Variants in PRKG1 observed in about 807,000 individuals in gnomAD.
PRKG1 encodes the protein cGMP-dependent protein kinase 1.
In PRKG1, 35 loss-of-function variants were observed where a neutral mutation model predicts 88.1. That is an observed-to-expected ratio of 0.40 (90% CI 0.30 to 0.53). The LOEUF (loss-of-function observed/expected upper bound fraction) is 0.53. Ranked by LOEUF, PRKG1 falls within the 20% of genes least tolerant of loss-of-function variation. The pLI is 0.59. For synonymous variants in PRKG1, 303 were observed against 292.5 expected (o/e 1.04, Z -0.37); for missense variants, 540 against 839.8 (o/e 0.64, Z 4.41).
At chr10:51,294,523 T>G (rs868519325) in intron 2 of PRKG1, among the ~76,000 whole-genome samples, 6 of 152,290 alleles carry the variant, frequency 3.9e-5, no homozygotes, top group African/African-American at 1.2e-4. Flanking sequence ...CAGTTGATGG[T>G]AATGGGTGGA....
intron 3 of PRKG1, among the ~76,000 whole-genome samples, chr10:51,721,515 G>A (rs547392902): frequency 3.3e-5 from 5 of 152,184 alleles, no homozygotes; most frequent in Admixed American, 6.5e-5. Flanking sequence ...AGAAAAGTGC[G>A]GTGGAAATCC....
intron 5 of PRKG1, among the ~76,000 whole-genome samples, chr10:51,992,901 G>A (rs11000402): frequency 0.19 from 29,643 of 152,066 alleles, 3,771 homozygotes; most frequent in Non-Finnish European, 0.28. Flanking sequence ...TGATCTGTTA[G>A]TTTTACATTG....
chr10:51,164,771 C>T (rs7906100), intron 2 of PRKG1, among the ~76,000 whole-genome samples: 82,920 of 151,536 alleles, frequency 0.55, 24,142 homozygotes, highest in African/African-American at 0.77. Flanking sequence ...CAGGAGCTGA[C>T]GTGATCAACT....
chr10:52,194,666 A>G (rs970772180), intron 9 of PRKG1, among the ~76,000 whole-genome samples: 4 of 152,212 alleles, frequency 2.6e-5, no homozygotes, highest in African/African-American at 9.6e-5. Flanking sequence ...ATGAAGTTCA[A>G]TATTTAAAAA....
chr10:51,028,467 G>A (rs1031259932), intron 1 of PRKG1, among the ~76,000 whole-genome samples: 2 of 152,062 alleles, frequency 1.3e-5, no homozygotes, highest in African/African-American at 2.4e-5. Context: ...CTCAATGAAA[G>A]CCTAGTGCTC....
At chr10:51,466,902 G>A (rs1362393701) in intron 2 of PRKG1, among the ~76,000 whole-genome samples, 2 of 151,972 alleles carry the variant, frequency 1.3e-5, no homozygotes, top group Non-Finnish European at 2.9e-5. Flanking sequence ...AATAGGAGAG[G>A]AGAAGTCAGT....
At chr10:51,203,769 A>G (rs1288900230) in intron 2 of PRKG1, among the ~76,000 whole-genome samples, 2 of 152,216 alleles carry the variant, frequency 1.3e-5, no homozygotes, top group Admixed American at 6.5e-5. Context: ...TGATGTGAGT[A>G]ATTTTCTTTA....
At chr10:51,276,149 G>A (rs1321913652) in intron 2 of PRKG1, among the ~76,000 whole-genome samples, 2 of 151,720 alleles carry the variant, frequency 1.3e-5, no homozygotes, top group Non-Finnish European at 2.9e-5. Flanking sequence ...AGTGTGTGAT[G>A]TTCCCCTTCC....
At chr10:51,620,717 A>G (rs1839183650) in intron 3 of PRKG1, among the ~76,000 whole-genome samples, 1 of 151,972 alleles carries the variant, frequency 6.6e-6, no homozygotes, top group Non-Finnish European at 1.5e-5. Context: ...AAGTCAGGTA[A>G]TCCTCACGAT....
At chr10:52,034,075 G>A (rs944868670) in intron 5 of PRKG1, among the ~76,000 whole-genome samples, 3 of 151,730 alleles carry the variant, frequency 2.0e-5, no homozygotes, top group Non-Finnish European at 4.4e-5. Context: ...TTTTGTGGTG[G>A]AATGTCATCA....
At chr10:51,042,428 A>G (rs1843436228) in intron 1 of PRKG1, among the ~76,000 whole-genome samples, 1 of 140,818 alleles carries the variant, frequency 7.1e-6, no homozygotes, top group African/African-American at 2.4e-5. Context: ...GGCCTCTTAT[A>G]CCTTCAAATT....
At chr10:52,158,888 C>T (rs1838199653) in intron 8 of PRKG1, among the ~76,000 whole-genome samples, 1 of 151,306 alleles carries the variant, frequency 6.6e-6, no homozygotes, top group African/African-American at 2.4e-5. Flanking sequence ...TAAAAGGTCT[C>T]CAACTCCTCC....
chr10:51,077,612 ATTT>A (rs1288651209), intron 1 of PRKG1, among the ~76,000 whole-genome samples: 1 of 152,160 alleles, frequency 6.6e-6, no homozygotes, highest in East Asian at 1.9e-4. Context: ...TCATTTTAAC[ATTT>A]TTGGCTTGGA....
chr10:51,301,916 G>A lies in PRKG1; in HGVS notation c.478+148586G>A, dbSNP rs145634243. Reference sequence around the variant, plus strand: ...GAGGTATCAGGATGAGTGTGTGACTGCCTTCTCTTCTCATGTGTCATCTGT... The same window carrying A: ...GAGGTATCAGGATGAGTGTGTGACTACCTTCTCTTCTCATGTGTCATCTGT... On this transcript the variant is annotated intron_variant, in intron 2 of 17. Coordinates refer to ENST00000373980, the MANE Select transcript of PRKG1 (RefSeq NM_006258.4). Among the ~76,000 whole-genome samples, 447 of 152,312 alleles carry A rather than the reference G, an allele frequency of 2.9e-3. 1 individual carries two copies. Among genetic ancestry groups the A allele is most frequent in the Non-Finnish European group, 5.4e-3 (369 of 68,024 alleles).
chr10:51,504,409 C>A (rs143530929), intron 3 of PRKG1, among the ~76,000 whole-genome samples: 1 of 152,142 alleles, frequency 6.6e-6, no homozygotes, highest in African/African-American at 2.4e-5. Flanking sequence ...TAGTGAGATG[C>A]CTCCAGCTTT....
chr10:51,616,427 G>T (rs1266428868), intron 3 of PRKG1, among the ~76,000 whole-genome samples: 1 of 152,224 alleles, frequency 6.6e-6, no homozygotes, highest in East Asian at 1.9e-4. Flanking sequence ...GGAGTGAACA[G>T]TGCATGCTTG....
At chr10:51,556,185 C>T (rs949201468) in intron 3 of PRKG1, among the ~76,000 whole-genome samples, 1 of 151,958 alleles carries the variant, frequency 6.6e-6, no homozygotes, top group African/African-American at 2.4e-5. Flanking sequence ...TGAATAATTC[C>T]TATCATACAT....
chr10:51,727,677 G>C (rs181012522), intron 3 of PRKG1, among the ~76,000 whole-genome samples: 1 of 152,228 alleles, frequency 6.6e-6, no homozygotes, highest in African/African-American at 2.4e-5. Context: ...CATATCTCCG[G>C]AGAGTAGTTC....
intron 4 of PRKG1, among the ~76,000 whole-genome samples, chr10:51,857,569 T>C (rs556141109): frequency 6.6e-6 from 1 of 152,304 alleles, no homozygotes; most frequent in South Asian, 2.1e-4. Flanking sequence ...TTTTTCCTGC[T>C]GAGTGAACAG....
Sources: allele counts gnomAD v4.1 joint callset (sites outside exome capture counted in the v4.1 genomes callset), GRCh38; gene constraint gnomAD v4.1.1; transcripts MANE v1.5; gene names NCBI Gene and HGNC (gene_info 2026-07-23, HGNC 2026-07-21).